The following EIPR1 variants were observed in gnomAD, a reference collection of about 807,000 sequenced individuals.
EIPR1 encodes the protein EARP and GARP complex-interacting protein 1.
A neutral mutation model predicts 48.1 loss-of-function variants in EIPR1; 25 were observed. The observed-to-expected ratio is 0.52, with a 90% CI of 0.38 to 0.73. EIPR1 has a LOEUF of 0.73. EIPR1 is among the 30% of genes least tolerant of loss of function. EIPR1 has a pLI of 0.00. For synonymous variants in EIPR1, 204 were observed against 201.9 expected (o/e 1.01, Z -0.09); for missense variants, 415 against 506.2 (o/e 0.82, Z 1.73).
At chr2:3,207,752 T>C (rs951913696) in intron 5 of EIPR1, 12 of 152,270 alleles carry the variant, frequency 7.9e-5, no homozygotes, top group Admixed American at 2.0e-4. Context: ...AGTTGCTAGA[T>C]ACCAGCACCT....
chr2:3,270,051 A>G (rs1442608486), intron 3 of EIPR1, among the ~76,000 whole-genome samples: 1 of 152,244 alleles, frequency 6.6e-6, no homozygotes, highest in Non-Finnish European at 1.5e-5. Context: ...CAAAACTCTG[A>G]GCAGGACACT....
chr2:3,362,295 G>A (rs983636088), intron 1 of EIPR1, among the ~76,000 whole-genome samples: 1 of 151,240 alleles, frequency 6.6e-6, no homozygotes, highest in Admixed American at 6.6e-5. Context: ...CCTCCAGCCT[G>A]CCCCATTCAT....
chr2:3,218,532 G>C lies in EIPR1; in HGVS notation c.417-4284C>G, dbSNP rs955136252. On this transcript the variant is annotated intron_variant, in intron 4 of 8. Coordinates refer to ENST00000382125, the MANE Select transcript of EIPR1 (RefSeq NM_003310.5). ...CTCTAGAGCATTCACAGTGAGTCAGGTGCACACTCAACACGACCCTGGTAT... is the reference window on the plus strand; with the variant it reads ...CTCTAGAGCATTCACAGTGAGTCAGCTGCACACTCAACACGACCCTGGTAT... 4.7e-5 allele frequency among the ~76,000 whole-genome samples: 7 copies of C among 147,520 alleles called. No homozygotes were observed. In the Admixed American group the frequency reaches 4.8e-4, roughly 10 times the overall value.
At chr2:3,281,977 C>T (rs1418963793) in intron 3 of EIPR1, among the ~76,000 whole-genome samples, 1 of 152,138 alleles carries the variant, frequency 6.6e-6, no homozygotes, top group African/African-American at 2.4e-5. Context: ...GGTGGAAATA[C>T]CAAGTTCAAA....
chr2:3,192,667 T>G (rs1664649410), intron 7 of EIPR1, 86 bp from the exon 8 acceptor site: 3 of 1,400,934 alleles, frequency 2.1e-6, no homozygotes, highest in African/African-American at 1.4e-5. Context: ...AGGGCCCCAC[T>G]AGGCTGGGGC....
intron 3 of EIPR1, among the ~76,000 whole-genome samples, chr2:3,296,027 CA>C (rs1668572320): frequency 7.9e-6 from 1 of 127,286 alleles, no homozygotes; most frequent in Non-Finnish European, 1.7e-5. Flanking sequence ...CCATCCAGCC[CA>C]TCCTCTCTAC....
chr2:3,267,926 G>C (rs547030428), intron 3 of EIPR1, among the ~76,000 whole-genome samples: 2 of 152,362 alleles, frequency 1.3e-5, no homozygotes, highest in South Asian at 4.1e-4. Context: ...AGGTGCTGAA[G>C]GCGCCCTGCA....
intron 3 of EIPR1, among the ~76,000 whole-genome samples, chr2:3,317,236 C>G (rs573510232): frequency 6.6e-6 from 1 of 151,030 alleles, no homozygotes; most frequent in Non-Finnish European, 1.5e-5. Flanking sequence ...AGGCACTGAC[C>G]AAGCTGAGGA....
At chr2:3,363,565 G>A (rs1180456342) in intron 1 of EIPR1, among the ~76,000 whole-genome samples, 2 of 152,128 alleles carry the variant, frequency 1.3e-5, no homozygotes, top group African/African-American at 2.4e-5. Flanking sequence ...GTGTGGAGGT[G>A]TGCGCCTGTA....
chr2:3,237,255 CA>C (rs1666434989), intron 4 of EIPR1, among the ~76,000 whole-genome samples: 2 of 151,536 alleles, frequency 1.3e-5, no homozygotes, highest in African/African-American at 4.8e-5. Context: ...CACACACACA[CA>C]CACACACACA....
intron 1 of EIPR1, among the ~76,000 whole-genome samples, chr2:3,357,455 CAT>C (rs1670756579): frequency 6.6e-6 from 1 of 152,210 alleles, no homozygotes; most frequent in South Asian, 2.1e-4. Flanking sequence ...GTGGATGAAA[CAT>C]AACCTACCTT....
chr2:3,217,880 C>A (rs183588670), intron 4 of EIPR1, among the ~76,000 whole-genome samples: 6 of 152,190 alleles, frequency 3.9e-5, no homozygotes, highest in Non-Finnish European at 1.5e-5. Flanking sequence ...AGCTGAGAAA[C>A]CCCCATTGCC....
chr2:3,370,417 G>C (rs534401860), intron 1 of EIPR1, among the ~76,000 whole-genome samples: 1 of 152,322 alleles, frequency 6.6e-6, no homozygotes, highest in South Asian at 2.1e-4. Flanking sequence ...AGAGAAGAAG[G>C]CTTCAGACGA....
At chr2:3,335,093 C>G (rs1263380636) in intron 3 of EIPR1, among the ~76,000 whole-genome samples, 1 of 152,216 alleles carries the variant, frequency 6.6e-6, no homozygotes, top group African/African-American at 2.4e-5. Context: ...GGAAACAAGC[C>G]TGCATCCTAC....
intron 3 of EIPR1, among the ~76,000 whole-genome samples, chr2:3,287,210 CTCCAGAAAGCTCGTTCACCACAA>C (rs879551567): frequency 0.32 from 48,003 of 150,254 alleles, 7,888 homozygotes; most frequent in Non-Finnish European, 0.33. Flanking sequence ...GTTCACCACG[CTCCAGAAAGCTCGTTCACCACAA>C]TCCAGAAAGC....
intron 4 of EIPR1, among the ~76,000 whole-genome samples, chr2:3,248,463 G>T (rs1666908166): frequency 6.6e-6 from 1 of 152,168 alleles, no homozygotes. Context: ...GCGTGGTGGT[G>T]GGCGCCTGTA....
chr2:3,290,736 G>T (rs1369480376), intron 3 of EIPR1, among the ~76,000 whole-genome samples: 1 of 152,204 alleles, frequency 6.6e-6, no homozygotes, highest in Non-Finnish European at 1.5e-5. Flanking sequence ...CACTTCAGTG[G>T]GGCTGAGCGC....
intron 3 of EIPR1, among the ~76,000 whole-genome samples, chr2:3,265,452 A>G (rs1330510173): frequency 1.3e-5 from 2 of 152,184 alleles, no homozygotes; most frequent in Non-Finnish European, 2.9e-5. Flanking sequence ...TTCAACACAC[A>G]TCCAGCAGCC....
chr2:3,331,120 G>A lies in EIPR1; in HGVS notation c.259+6897C>T, dbSNP rs74530464. On this transcript the variant is annotated intron_variant, in intron 3 of 8. Transcript: ENST00000382125. ...GCAGAGGCAGGCACACACTCCTGAGGTGGTGTGAGCAGAAGCAGGCGTGTG... is the reference window on the plus strand; with the variant it reads ...GCAGAGGCAGGCACACACTCCTGAGATGGTGTGAGCAGAAGCAGGCGTGTG... Among the ~76,000 whole-genome samples the A allele has an allele frequency of 4.0e-3, 468 of 117,248 alleles. 37 individuals are homozygous for A. The highest frequency in any genetic ancestry group is 0.01 in the East Asian group (26 of 2,586). 76.9% of individuals were successfully genotyped at this position (117,248 alleles called of 152,430 possible).
Sources: allele counts gnomAD v4.1 joint callset (sites outside exome capture counted in the v4.1 genomes callset), GRCh38; gene constraint gnomAD v4.1.1; transcripts MANE v1.5; gene names NCBI Gene and HGNC (gene_info 2026-07-23, HGNC 2026-07-21).